The following MYO18A variants were observed in gnomAD, a reference collection of about 807,000 sequenced individuals.
MYO18A encodes myosin XVIIIA.
In MYO18A, 78 loss-of-function variants were observed where a neutral mutation model predicts 235.8. That is an observed-to-expected ratio of 0.33 (90% CI 0.28 to 0.40). MYO18A has a LOEUF of 0.40. Among genes scored for constraint, MYO18A ranks in the 10% least tolerant of loss-of-function variants. The probability of loss-of-function intolerance (pLI) is 1.00; values close to 1 mark genes in which losing one functional copy is unlikely to be tolerated. For synonymous variants in MYO18A, 977 were observed against 1,077.8 expected, an observed-to-expected ratio of 0.91 and a Z score of 1.83; for missense variants, 2,215 against 2,699.3, an observed-to-expected ratio of 0.82 and a Z score of 3.98.
intron 2 of MYO18A, chr17:29,131,323 G>A (rs2067467662): frequency 3.3e-6 from 3 of 902,130 alleles, no homozygotes; most frequent in Admixed American, 6.2e-5. Context: ...ATGCACGCAT[G>A]CACACACACA....
intron 2 of MYO18A, chr17:29,128,439 T>G: frequency 1.6e-6 from 2 of 1,289,320 alleles, no homozygotes; most frequent in African/African-American, 1.5e-5. Flanking sequence ...ATGGCGAGTG[T>G]GGGTGCAGGG....
At position 29,125,113 on chromosome 17, in the gene MYO18A, C is replaced by T. The variant is rs1393301802; in HGVS notation, c.1000-2860G>A. 6.6e-6 allele frequency among the ~76,000 whole-genome samples: 1 copy of T among 152,222 alleles called. No individual in the cohort carries two copies. Among genetic ancestry groups the T allele is most frequent in the Admixed American group, 6.5e-5 (1 of 15,286 alleles). On this transcript the variant is annotated intron_variant, in intron 2 of 41. Coordinates refer to ENST00000527372, the MANE Select transcript of MYO18A (RefSeq NM_078471.4). The surrounding 1 kb of genome is among the most constrained non-coding windows in gnomAD (Gnocchi z 5.1). ...GCCTGGGCCCCCTGCCAGCCTCTTG[C>T]CTTATCTCCAGAGCATTTCTCAGCC...
intron 41 of MYO18A, chr17:29,080,798 G>A: frequency 2.0e-6 from 2 of 985,456 alleles, no homozygotes; most frequent in Non-Finnish European, 2.4e-6. Context: ...TTCCTGCCTG[G>A]GCATGGCTCC....
intron 2 of MYO18A, among the ~76,000 whole-genome samples, chr17:29,156,343 C>T (rs1481352562): frequency 6.6e-6 from 1 of 152,198 alleles, no homozygotes; most frequent in East Asian, 1.9e-4. Flanking sequence ...AAGCCTGGCA[C>T]CTTCATGTGG....
At position 29,121,639 on chromosome 17, in the gene MYO18A, G is replaced by T; in HGVS notation, c.1279C>A (p.Gln427Lys). Reference protein sequence around the residue: ...NESSVLHTLRQRYGASLLHTY... With the variant: ...NESSVLHTLRKRYGASLLHTY... Reference sequence around the variant, plus strand: ...TGCAGCAGGCTAGCGCCATAGCGCTGGCGCAAGGTGTGCAGGACGCTGGAC... The same window carrying T: ...TGCAGCAGGCTAGCGCCATAGCGCTTGCGCAAGGTGTGCAGGACGCTGGAC... The change falls in exon 5 of 42, where the codon CAG becomes AAG. Residue 427 changes from glutamine (Q) to lysine (K), a missense_variant. Coordinates refer to ENST00000527372, the MANE Select transcript of MYO18A (RefSeq NM_078471.4). This position sits in a 1 kb window ranked among gnomAD's most constrained non-coding sequence, Gnocchi z 4.2. 6.3e-7 allele frequency: 1 copy of T among 1,576,900 alleles called. No individual in the cohort carries two copies. The highest frequency in any genetic ancestry group is 2.3e-5 in the East Asian group (1 of 42,740).
Position 29,090,033 on chromosome 17 carries a change from G to A in MYO18A, c.5454C>T (p.Ser1818=). The A allele has an allele frequency of 1.2e-6, 2 of 1,614,014 alleles. No homozygotes were observed. Among genetic ancestry groups the A allele is most frequent in the Non-Finnish European group, 1.7e-6 (2 of 1,179,864 alleles). The change falls in exon 37 of 42, where the codon AGC becomes AGT. Residue 1818 remains serine (S), a synonymous_variant. Coordinates refer to ENST00000527372, the MANE Select transcript of MYO18A (RefSeq NM_078471.4). ...EQSMVDKSLV[S]RQEAKIRELE... ...GCTCCCGTATCTTAGCTTCCTGCCT[G>A]CTCACCAGGGACTTGTCCACCATGG...
chr17:29,131,261 G>T, intron 2 of MYO18A: 1 of 456,700 alleles, frequency 2.2e-6, no homozygotes, highest in Non-Finnish European at 2.9e-6. Context: ...CTGTCTCACA[G>T]GCTAGTCCAG....
intron 2 of MYO18A, among the ~76,000 whole-genome samples, chr17:29,160,490 T>C (rs560109251): frequency 9.9e-4 from 151 of 152,374 alleles, no homozygotes; most frequent in African/African-American, 3.6e-3. Context: ...CTTAGGTCTA[T>C]GCTTCCTCAA....
At chr17:29,100,186 C>A (rs976051564) in intron 21 of MYO18A, among the ~76,000 whole-genome samples, 1 of 152,242 alleles carries the variant, frequency 6.6e-6, no homozygotes, top group Non-Finnish European at 1.5e-5. Context: ...AGGGCCCAAC[C>A]TGGGCTCCAG....
At position 29,099,748 on chromosome 17, in the gene MYO18A, C is replaced by T. The variant is rs202019008; in HGVS notation, c.3522G>A (p.Ala1174=). The T allele has an allele frequency of 6.0e-5, 97 of 1,612,846 alleles. No individual in the cohort carries two copies. The African/African-American group carries it at 9.7e-4, about 16-fold the overall frequency. The part of the protein sequence containing the change: ...CMGLSRVFFR[A]GTLARLEEQR... ...GCTCCTCCAGCCGTGCCAAGGTGCC[C>T]GCCCGGAAGAACACCTGTGAAAAAG... The change falls in exon 22 of 42, where the codon GCG becomes GCA. Residue 1174 remains alanine, a synonymous_variant. Coordinates refer to ENST00000527372, the MANE Select transcript of MYO18A (RefSeq NM_078471.4).
At position 29,111,323 on chromosome 17, in the gene MYO18A, T is replaced by C. The variant is rs964811523; in HGVS notation, c.2900+101A>G. 2 of 1,373,306 alleles carry C rather than the reference T, an allele frequency of 1.5e-6. No individual in the cohort carries two copies. Among genetic ancestry groups the C allele is most frequent in the Non-Finnish European group, 2.0e-6 (2 of 1,003,282 alleles). The allele number at this position is 1,373,306 out of a possible 1,614,324, so 85.1% of individuals were successfully genotyped here. ...CTCTCAGGAATAAAGGCCATCTACT[T>C]TGCTAGTGAGGGGGCCTCTGAGACA... On this transcript the variant is annotated intron_variant, in intron 17 of 41. Coordinates refer to ENST00000527372, the MANE Select transcript of MYO18A (RefSeq NM_078471.4). This position sits in a 1 kb window ranked among gnomAD's most constrained non-coding sequence, Gnocchi z 5.1.
At chr17:29,112,180 C>G (rs1166917813) in intron 15 of MYO18A, among the ~76,000 whole-genome samples, 1 of 152,240 alleles carries the variant, frequency 6.6e-6, no homozygotes, top group African/African-American at 2.4e-5. Context: ...CCACCCTCGT[C>G]CCCTCGGAGG....
intron 3 of MYO18A, 65 bp from the exon 4 acceptor site, chr17:29,122,022 T>C: frequency 1.3e-6 from 2 of 1,567,578 alleles, no homozygotes; most frequent in Non-Finnish European, 1.8e-6. Context: ...CTTGGGAACT[T>C]CTCGGTCCTA....
intron 2 of MYO18A, among the ~76,000 whole-genome samples, chr17:29,127,209 C>T (rs374315018): frequency 2.6e-4 from 39 of 152,276 alleles, no homozygotes; most frequent in African/African-American, 4.8e-4. Flanking sequence ...ACTATTTTGG[C>T]GGCAAAACCT....
chr17:29,091,746 C>T (rs1363640872), intron 34 of MYO18A: 9 of 451,002 alleles, frequency 2.0e-5, no homozygotes, highest in Non-Finnish European at 3.6e-5. Context: ...CCAGCCCAGC[C>T]TCCTCCCCTG....
Position 29,106,029 on chromosome 17 carries a change from A to C in MYO18A, c.3441+1051T>G, listed in dbSNP as rs1237859173. ...GGAAAAGGAGACAATTCACAGAGAA[A>C]TGGAGTGTGATCCAGAAAGAGAGGT... On this transcript the variant is annotated intron_variant, in intron 20 of 41. Coordinates refer to ENST00000527372, the MANE Select transcript of MYO18A (RefSeq NM_078471.4). This position sits in a 1 kb window ranked among gnomAD's most constrained non-coding sequence, Gnocchi z 4.6. Among the ~76,000 whole-genome samples, 1 of 152,096 alleles carries C rather than the reference A, an allele frequency of 6.6e-6. No individual in the cohort carries two copies. Among genetic ancestry groups the C allele is most frequent in the Non-Finnish European group, 1.5e-5 (1 of 67,990 alleles).
Position 29,098,130 on chromosome 17 carries a change from G to A in MYO18A, c.3965C>T (p.Ala1322Val), listed in dbSNP as rs1189636074. ...CTGCAGTTCCTTCATCTCCTTCTCA[G>A]CCCGGAGCCTCTCTGCTGTCTCCGC... Reference protein sequence around the residue: ...LDAETAERLRAEKEMKELQTQ... With the variant: ...LDAETAERLRVEKEMKELQTQ... Residue 1322 changes from alanine (A) to valine (V), a missense_variant, in exon 25 of 42, where the codon GCT becomes GTT. Ala to Val is a moderately conservative substitution (Grantham distance 64). Coordinates refer to ENST00000527372, the MANE Select transcript of MYO18A (RefSeq NM_078471.4). 6.2e-7 allele frequency: 1 copy of A among 1,613,528 alleles called. No individual in the cohort carries two copies. Among genetic ancestry groups the A allele is most frequent in the Admixed American group, 1.7e-5 (1 of 60,002 alleles).
At chr17:29,131,253 G>A (rs2067465118) in intron 2 of MYO18A, 1 of 376,528 alleles carries the variant, frequency 2.7e-6, no homozygotes, top group South Asian at 1.1e-4. Context: ...CCATGGAGCT[G>A]TCTCACAGGC....
Position 29,092,734 on chromosome 17 carries a change from C to A in MYO18A, c.5073+121G>T. 3 of 1,407,894 alleles carry A rather than the reference C, an allele frequency of 2.1e-6. No individual in the cohort carries two copies. The South Asian group carries it at 3.9e-5, about 19-fold the overall frequency. The allele number at this position is 1,407,894 out of a possible 1,614,324, so 87.2% of individuals were successfully genotyped here. A position where few individuals can be genotyped will look rare whatever the true frequency, so the allele number is the denominator to read the frequency against. ...TCTAGCTGCTACACGTGGCTCTCCC[C>A]TCTTTCCTGTCACTTTCCTTCCCAA... On this transcript the variant is annotated intron_variant, in intron 33 of 41. Transcript: ENST00000527372.
Sources: gnomAD v4.1 joint callset for allele counts (sites outside exome capture counted in the v4.1 genomes callset) on GRCh38, gnomAD v4.1.1 for gene constraint, Gnocchi (gnomAD v3.1) non-coding constraint, MANE v1.5 for transcripts, NCBI Gene and HGNC (gene_info 2026-07-23, HGNC 2026-07-21) for gene names.